EFR3A: variants seen among roughly 807,000 people sequenced by gnomAD.
EFR3A encodes EFR3 homolog A.
Under a neutral mutation model 104.4 loss-of-function variants are expected in EFR3A, and 76 were observed. The observed-to-expected ratio is 0.73, with a 90% CI of 0.60 to 0.88. The LOEUF (loss-of-function observed/expected upper bound fraction) is 0.88, where lower values mean the gene tolerates loss of function less well. EFR3A is among the 40% of genes least tolerant of loss of function. The probability of loss-of-function intolerance (pLI) is 0.00; values close to 1 mark genes in which losing one functional copy is unlikely to be tolerated. For synonymous variants in EFR3A, 330 were observed against 330.0 expected (o/e 1.00, Z 0.00); for missense variants, 985 against 1,012.5 (o/e 0.97, Z 0.37).
At chr8:131,915,253 G>A (rs562607540) in intron 1 of EFR3A, among the ~76,000 whole-genome samples, 23 of 152,224 alleles carry the variant, frequency 1.5e-4, no homozygotes, top group South Asian at 8.3e-4. Context: ...TCAATAGCTC[G>A]GGAACCTAGA....
chr8:131,937,777 C>T (rs1427379836), intron 1 of EFR3A, among the ~76,000 whole-genome samples: 1 of 133,284 alleles, frequency 7.5e-6, no homozygotes, highest in African/African-American at 3.1e-5. Context: ...GCTCATCCCC[C>T]TCTTTTTTTT....
intron 1 of EFR3A, among the ~76,000 whole-genome samples, chr8:131,904,935 A>G (rs1816170855): frequency 6.6e-6 from 1 of 152,220 alleles, no homozygotes. Flanking sequence ...TTCCCATGGA[A>G]TTAGTCTGGA....
intron 18 of EFR3A, 104 bp downstream of exon 18, chr8:131,987,806 T>TA: frequency 8.1e-7 from 1 of 1,241,794 alleles, no homozygotes; most frequent in Non-Finnish European, 1.1e-6. Context: ...TGTGTGTCCT[T>TA]ACTATAGCCC....
At chr8:131,952,793 A>G (rs531053331) in intron 5 of EFR3A, among the ~76,000 whole-genome samples, 1 of 152,196 alleles carries the variant, frequency 6.6e-6, no homozygotes, top group East Asian at 1.9e-4. Flanking sequence ...CCCATTGTCC[A>G]TCTGCTACTC....
chr8:131,935,462 A>C (rs550590424), intron 1 of EFR3A: 3 of 444,866 alleles, frequency 6.7e-6, no homozygotes, highest in Non-Finnish European at 1.4e-5. Flanking sequence ...TAATGAGGGC[A>C]TGAAGGACCA....
chr8:131,979,223 TTCAGTAGTA>T, intron 13 of EFR3A, 114 bp from the exon 14 acceptor site: 1 of 953,428 alleles, frequency 1.0e-6, no homozygotes. Flanking sequence ...TCAGAAGCAA[TTCAGTAGTA>T]TCATTACATA....
At chr8:131,950,196 T>TA (rs1368722191) in intron 5 of EFR3A, 106 bp downstream of exon 5, 1 of 1,202,112 alleles carries the variant, frequency 8.3e-7, no homozygotes, top group Non-Finnish European at 1.1e-6. Context: ...ATGCCTGAAA[T>TA]ACGGCTTTCC....
chr8:131,985,189 A>G, intron 16 of EFR3A, 129 bp downstream of exon 16: 3 of 935,550 alleles, frequency 3.2e-6, no homozygotes, highest in Non-Finnish European at 3.2e-6. Flanking sequence ...ATCTACAGCC[A>G]GTAAACTGAA....
Position 131,984,239 on chromosome 8 carries a change from C to A in EFR3A, c.1676C>A (p.Thr559Asn). ...ELLYTSLALITIELANEEVVI... is the reference protein window; with the variant it reads ...ELLYTSLALINIELANEEVVI... ...CTTTATACTTCTCTTGCTCTTATAA[C>A]TATTGAACTGGCTAATGAAGAAGTA... The change falls in exon 15 of 23, where the codon ACT (threonine) becomes AAT (asparagine). Residue 559 changes from threonine to asparagine, a missense_variant. Transcript: ENST00000254624. 1 of 1,610,640 alleles carries A rather than the reference C, an allele frequency of 6.2e-7. No homozygotes were observed. Among genetic ancestry groups the A allele is most frequent in the Admixed American group, 1.7e-5 (1 of 59,528 alleles).
At position 131,942,552 on chromosome 8, in the gene EFR3A, A is replaced by G. The variant is rs577613493; in HGVS notation, c.87+1977A>G. Among the ~76,000 whole-genome samples the G allele has an allele frequency of 2.1e-4, 32 of 152,244 alleles. No homozygotes were observed. The South Asian group carries it at 6.4e-3, about 31-fold the overall frequency. On this transcript the variant is annotated intron_variant, in intron 2 of 22. Coordinates refer to ENST00000254624, the MANE Select transcript of EFR3A (RefSeq NM_015137.6). Reference sequence around the variant, plus strand: ...CCGATCTCATAATGTTCTCATGAGGACTAAATGAGTTAATGCAGCTCTTTA... The same window carrying G: ...CCGATCTCATAATGTTCTCATGAGGGCTAAATGAGTTAATGCAGCTCTTTA...
chr8:131,971,010 T>C lies in EFR3A; in HGVS notation c.1159+367T>C, dbSNP rs957923218. On this transcript the variant is annotated intron_variant, in intron 10 of 22. Transcript: ENST00000254624. ...GAATACACACATACACATGCATATT[T>C]TTTTCTAAACCACGAGATACAGGAA... 5.9e-5 allele frequency among the ~76,000 whole-genome samples: 9 copies of C among 152,182 alleles called. 1 individual carries two copies. The highest frequency in any genetic ancestry group is 1.5e-5 in the Non-Finnish European group (1 of 68,042).
intron 1 of EFR3A, among the ~76,000 whole-genome samples, chr8:131,916,574 G>C (rs1288043226): frequency 1.3e-5 from 2 of 152,172 alleles, no homozygotes; most frequent in Non-Finnish European, 2.9e-5. Context: ...CTGAAGGATA[G>C]GTTGTATAGA....
intron 1 of EFR3A, among the ~76,000 whole-genome samples, chr8:131,939,255 C>G (rs1200981501): frequency 6.6e-6 from 1 of 152,004 alleles, no homozygotes; most frequent in Non-Finnish European, 1.5e-5. Flanking sequence ...TGTAGTAAGA[C>G]AAAGTAACGC....
intron 1 of EFR3A, among the ~76,000 whole-genome samples, chr8:131,924,723 C>A (rs991064550): frequency 2.6e-5 from 4 of 152,084 alleles, no homozygotes; most frequent in African/African-American, 7.2e-5. Flanking sequence ...CCTAATCAGT[C>A]CAACTCAGAA....
rs376537110 is a variant in EFR3A, at chr8:131,937,160, G to A, written c.11-3339G>A. Among the ~76,000 whole-genome samples the A allele has an allele frequency of 4.1e-4, 63 of 152,190 alleles. No individual in the cohort carries two copies. The South Asian group carries it at 0.013, about 32-fold the overall frequency. ...TCAGAAGCTATTTGTTAGGAAATGGGAAGACCAAATATATATTTCACAATA... is the reference window on the plus strand; with the variant it reads ...TCAGAAGCTATTTGTTAGGAAATGGAAAGACCAAATATATATTTCACAATA... On this transcript the variant is annotated intron_variant, in intron 1 of 22. Coordinates refer to ENST00000254624, the MANE Select transcript of EFR3A (RefSeq NM_015137.6).
intron 18 of EFR3A, among the ~76,000 whole-genome samples, chr8:131,994,430 A>G (rs531038997): frequency 2.0e-5 from 3 of 152,278 alleles, no homozygotes; most frequent in Admixed American, 1.3e-4. Flanking sequence ...TGAGCCTGCA[A>G]TATGAGCAGG....
intron 1 of EFR3A, among the ~76,000 whole-genome samples, chr8:131,936,492 CT>C (rs1284560357): frequency 2.0e-5 from 3 of 152,020 alleles, no homozygotes; most frequent in Admixed American, 2.0e-4. Context: ...CCCCCCTCCC[CT>C]CCAGCACACA....
chr8:131,928,625 A>T (rs182231227), intron 1 of EFR3A, among the ~76,000 whole-genome samples: 2 of 152,126 alleles, frequency 1.3e-5, no homozygotes, highest in Non-Finnish European at 2.9e-5. Context: ...GATGTGGTCT[A>T]TAGAACAATG....
intron 1 of EFR3A, among the ~76,000 whole-genome samples, chr8:131,910,531 G>A (rs571420173): frequency 3.3e-4 from 50 of 152,238 alleles, no homozygotes; most frequent in Non-Finnish European, 6.6e-4. Context: ...CCTCGGCCTC[G>A]CAAAGGGCTG....
Sources: gnomAD v4.1 joint callset for allele counts (sites outside exome capture counted in the v4.1 genomes callset) on GRCh38, gnomAD v4.1.1 for gene constraint, MANE v1.5 for transcripts, NCBI Gene and HGNC (gene_info 2026-07-23, HGNC 2026-07-21) for gene names.